The following RARB variants were observed in gnomAD, a reference collection of about 807,000 sequenced individuals.
The protein encoded by RARB is retinoic acid receptor beta.
RARB carries 17 observed loss-of-function variants against 51.9 expected under a neutral mutation model. That is an observed-to-expected ratio of 0.33 (90% CI 0.22 to 0.49). The LOEUF is 0.49. Ranked by LOEUF, RARB falls within the 20% of genes least tolerant of loss-of-function variation. The pLI is 0.99. For missense variants in RARB, 369 were observed against 550.8 expected (o/e 0.67, Z 3.30); for synonymous variants, 215 against 195.4 (o/e 1.10, Z -0.84).
intron 4 of RARB, among the ~76,000 whole-genome samples, chr3:25,577,424 G>A (rs981807671): frequency 6.6e-6 from 1 of 152,192 alleles, no homozygotes; most frequent in Non-Finnish European, 1.5e-5. Context: ...TTGAATGTGG[G>A]TGACAGGGAT....
In RARB at chr3:24,918,982, A is replaced by G. The variant is rs190802085; in HGVS notation, c.-380+60230A>G. On this transcript the variant is annotated intron_variant, in intron 2 of 11. Coordinates refer to the RARB transcript ENST00000383772. ...TGGGTAAGAGAACTGAATTTGGTAC[A>G]GTATGATTTCCTTCATCCTTACTGT... Among the ~76,000 whole-genome samples, 66 of 152,322 alleles carry G rather than the reference A, an allele frequency of 4.3e-4. No individual in the cohort carries two copies. In the East Asian group the frequency reaches 9.1e-3, roughly 21 times the overall value.
chr3:25,360,303 C>CT (rs1274036343), intron 5 of RARB, among the ~76,000 whole-genome samples: 1 of 151,826 alleles, frequency 6.6e-6, no homozygotes, highest in African/African-American at 2.4e-5. Context: ...GCAACACTTG[C>CT]TTTTTTTGCT....
intron 5 of RARB, among the ~76,000 whole-genome samples, chr3:25,176,365 C>A (rs1284078620): frequency 9.4e-6 from 1 of 106,522 alleles, no homozygotes; most frequent in Non-Finnish European, 2.1e-5. Flanking sequence ...TTCCTTCCTT[C>A]CTTCCTTCCT....
intron 2 of RARB, among the ~76,000 whole-genome samples, chr3:25,497,625 A>G (rs981066855): frequency 6.6e-6 from 1 of 152,110 alleles, no homozygotes; most frequent in Non-Finnish European, 1.5e-5. Context: ...TTAGTCCCAG[A>G]TGGTTGTGAC....
chr3:25,398,105 T>A (rs1046196931), intron 5 of RARB, among the ~76,000 whole-genome samples: 13 of 152,156 alleles, frequency 8.5e-5, no homozygotes, highest in African/African-American at 2.9e-4. Context: ...CATCTCAATT[T>A]ATGTATCCAG....
In RARB at chr3:25,095,284, T is replaced by C. The variant is rs370155545; in HGVS notation, c.-328+35108T>C. Among the ~76,000 whole-genome samples the C allele has an allele frequency of 2.2e-4, 33 of 152,348 alleles. 1 individual carries two copies. The South Asian group carries it at 6.8e-3, about 32-fold the overall frequency. ...GCAGAATTTGGGAACCACTGCCATCTCTTTCAAGAGAATAGGTTTGGGATT... is the reference window on the plus strand; with the variant it reads ...GCAGAATTTGGGAACCACTGCCATCCCTTTCAAGAGAATAGGTTTGGGATT... On this transcript the variant is annotated intron_variant, in intron 3 of 11. Coordinates refer to the RARB transcript ENST00000383772.
chr3:25,200,711 T>C (rs1701367556), intron 5 of RARB, among the ~76,000 whole-genome samples: 1 of 152,076 alleles, frequency 6.6e-6, no homozygotes, highest in Non-Finnish European at 1.5e-5. Context: ...CCTTTCCCCA[T>C]TGCTTGTTTT....
At chr3:25,027,947 A>G (rs1448716731) in intron 2 of RARB, among the ~76,000 whole-genome samples, 3 of 147,530 alleles carry the variant, frequency 2.0e-5, no homozygotes, top group Non-Finnish European at 4.5e-5. Flanking sequence ...CCTTCTCTGA[A>G]ATAAACAGGC....
chr3:25,045,832 G>A (rs2125297226), intron 2 of RARB, among the ~76,000 whole-genome samples: 1 of 152,284 alleles, frequency 6.6e-6, no homozygotes, highest in South Asian at 2.1e-4. Flanking sequence ...ATTTAATGTA[G>A]CCTTTTTCTT....
chr3:24,988,070 C>T (rs757486379), intron 2 of RARB, among the ~76,000 whole-genome samples: 10 of 151,866 alleles, frequency 6.6e-5, no homozygotes, highest in African/African-American at 2.2e-4. Flanking sequence ...ATGGTTGAAA[C>T]GCTTGCTAGA....
chr3:25,297,266 C>A (rs376571981), intron 5 of RARB, among the ~76,000 whole-genome samples: 6 of 151,994 alleles, frequency 3.9e-5, no homozygotes, highest in African/African-American at 1.2e-4. Flanking sequence ...GATATTTTAC[C>A]AGCAGAATAA....
At chr3:25,594,838 TAAA>T (rs3836380) in intron 7 of RARB, among the ~76,000 whole-genome samples, 160 bp downstream of exon 7, 4 of 130,908 alleles carry the variant, frequency 3.1e-5, no homozygotes, top group African/African-American at 8.3e-5. Flanking sequence ...CTCCCCCCTC[TAAA>T]AAAAAAAAAA....
At chr3:25,308,608 C>T (rs1704210130) in intron 5 of RARB, among the ~76,000 whole-genome samples, 1 of 152,040 alleles carries the variant, frequency 6.6e-6, no homozygotes, top group Non-Finnish European at 1.5e-5. Flanking sequence ...ATTGCCATGC[C>T]TGGCTAATTT....
chr3:24,862,529 T>TA lies in RARB; in HGVS notation c.-380+3781dup, dbSNP rs1702770985. Reference sequence around the variant, plus strand: ...TTGCCTGTGATTCTTAGTATCACAATAAAATCTCTGGCTCTCCTGCTTTGT... The same window carrying TA: ...TTGCCTGTGATTCTTAGTATCACAATAAAAATCTCTGGCTCTCCTGCTTTGT... On this transcript the variant is annotated intron_variant, in intron 2 of 11. Coordinates refer to the RARB transcript ENST00000383772. 2.0e-5 allele frequency among the ~76,000 whole-genome samples: 3 copies of TA among 152,328 alleles called. No individual in the cohort carries two copies. The South Asian group carries it at 6.2e-4, about 32-fold the overall frequency.
At chr3:24,997,418 G>C (rs866723485) in intron 2 of RARB, among the ~76,000 whole-genome samples, 1 of 151,418 alleles carries the variant, frequency 6.6e-6, no homozygotes, top group African/African-American at 2.4e-5. Context: ...CTTTTAAGTT[G>C]AGAATGTACT....
chr3:24,843,574 C>G (rs191814776), intron 1 of RARB, among the ~76,000 whole-genome samples: 1 of 152,172 alleles, frequency 6.6e-6, no homozygotes, highest in East Asian at 1.9e-4. Flanking sequence ...CAATATATAT[C>G]TCCTGCCAGC....
chr3:25,367,941 A>G (rs780943531), intron 5 of RARB, among the ~76,000 whole-genome samples: 1 of 152,170 alleles, frequency 6.6e-6, no homozygotes, highest in Non-Finnish European at 1.5e-5. Context: ...ATACTGTTTC[A>G]TGCACTGGGG....
intron 5 of RARB, among the ~76,000 whole-genome samples, chr3:25,286,397 C>G (rs984250443): frequency 1.8e-4 from 27 of 152,090 alleles, no homozygotes; most frequent in African/African-American, 6.0e-4. Context: ...CCAACTTGAT[C>G]CTTCTCTTAC....
chr3:25,345,278 C>T (rs999403717), intron 5 of RARB, among the ~76,000 whole-genome samples: 1 of 152,096 alleles, frequency 6.6e-6, no homozygotes, highest in Non-Finnish European at 1.5e-5. Context: ...AAAGAAGCAA[C>T]TGAGGCTGCT....
Sources: gnomAD v4.1 joint callset for allele counts (sites outside exome capture counted in the v4.1 genomes callset) on GRCh38, gnomAD v4.1.1 for gene constraint, MANE v1.5 for transcripts, NCBI Gene and HGNC (gene_info 2026-07-23, HGNC 2026-07-21) for gene names.